SAMSN1: variants seen among roughly 807,000 people sequenced by gnomAD.
SAMSN1 encodes the protein SAM domain-containing protein SAMSN-1.
A neutral mutation model predicts 42.0 loss-of-function variants in SAMSN1; 31 were observed. That is an observed-to-expected ratio of 0.74 (90% CI 0.55 to 1.00). The LOEUF is 1.00. Among genes scored for constraint, SAMSN1 ranks in the 50% least tolerant of loss-of-function variants. SAMSN1 has a pLI of 0.00. For synonymous variants in SAMSN1, 178 were observed against 151.9 expected (o/e 1.17, Z -1.26); for missense variants, 464 against 439.4 (o/e 1.06, Z -0.50).
intron 5 of SAMSN1, among the ~76,000 whole-genome samples, chr21:14,604,186 T>C (rs1274385696): frequency 6.6e-6 from 1 of 152,184 alleles, no homozygotes; most frequent in Non-Finnish European, 1.5e-5. Context: ...ATCTATTTGG[T>C]CCTAAGTAGC....
chr21:14,569,279 A>G (rs1981215871), intron 2 of SAMSN1, among the ~76,000 whole-genome samples: 1 of 152,204 alleles, frequency 6.6e-6, no homozygotes, highest in Non-Finnish European at 1.5e-5. Context: ...TGGGCAACAG[A>G]GCAAGACCCT....
At chr21:14,533,246 A>G (rs1428314665) in intron 1 of SAMSN1, among the ~76,000 whole-genome samples, 1 of 152,140 alleles carries the variant, frequency 6.6e-6, no homozygotes, top group East Asian at 1.9e-4. Context: ...TAGCAGTAGC[A>G]TAACTGTAAC....
At chr21:14,573,043 A>G (rs760959290) in intron 2 of SAMSN1, among the ~76,000 whole-genome samples, 14 of 152,192 alleles carry the variant, frequency 9.2e-5, no homozygotes, top group Non-Finnish European at 1.9e-4. Flanking sequence ...AAATAAAGTC[A>G]AGTGCTAAGT....
rs1434763536 is a variant in SAMSN1 at position 14,577,236 on chromosome 21, GTGTATATATATATATATATATATA to G, written c.261+4876_261+4899del. On this transcript the variant is annotated intron_variant, in intron 2 of 8. Coordinates refer to the SAMSN1 transcript ENST00000285670. Reference sequence around the variant, plus strand: ...ATGGTGGGCTAATTTATATATATGTGTGTATATATATATATATATATATATATATATATATATATATATATATAT... The same window carrying G: ...ATGGTGGGCTAATTTATATATATGTGTATATATATATATATATATATATAT... Among the ~76,000 whole-genome samples the G allele has an allele frequency of 1.1e-3, 34 of 30,856 alleles. 2 individuals carry two copies. The highest frequency in any genetic ancestry group is 4.6e-3 in the South Asian group (3 of 652). The allele number at this position is 30,856 out of a possible 152,430, so 20.2% of individuals were successfully genotyped here.
At chr21:14,494,945 G>C (rs1305865496) in intron 7 of SAMSN1, among the ~76,000 whole-genome samples, 1 of 152,020 alleles carries the variant, frequency 6.6e-6, no homozygotes, top group Non-Finnish European at 1.5e-5. Context: ...CAAGATATGT[G>C]CCCATTTTGC....
chr21:14,538,282 A>G (rs1979766332), intron 1 of SAMSN1, among the ~76,000 whole-genome samples: 1 of 152,200 alleles, frequency 6.6e-6, no homozygotes, highest in Non-Finnish European at 1.5e-5. Context: ...TGAAAAGGCA[A>G]ACATTCAACA....
intron 2 of SAMSN1, among the ~76,000 whole-genome samples, chr21:14,558,430 C>T (rs1980834077): frequency 6.6e-6 from 1 of 152,040 alleles, no homozygotes; most frequent in African/African-American, 2.4e-5. Flanking sequence ...GTAATCCAAT[C>T]ACTTTGGGAG....
chr21:14,649,851 T>C (rs577544712), intron 1 of SAMSN1, among the ~76,000 whole-genome samples: 1 of 151,058 alleles, frequency 6.6e-6, no homozygotes, highest in South Asian at 2.1e-4. Context: ...GAAAAAGATA[T>C]TCTATGCCAA....
chr21:14,649,456 A>G (rs1983787628), intron 1 of SAMSN1, among the ~76,000 whole-genome samples: 1 of 152,118 alleles, frequency 6.6e-6, no homozygotes. Flanking sequence ...AAAGTTATGA[A>G]AAAAATAAAT....
intron 2 of SAMSN1, among the ~76,000 whole-genome samples, chr21:14,555,961 T>C (rs1320380288): frequency 6.6e-6 from 1 of 152,202 alleles, no homozygotes; most frequent in Non-Finnish European, 1.5e-5. Context: ...TAATTCATAC[T>C]TTATTCCCCA....
intron 6 of SAMSN1, among the ~76,000 whole-genome samples, chr21:14,599,188 C>G (rs927768973): frequency 2.6e-5 from 4 of 152,102 alleles, no homozygotes; most frequent in African/African-American, 9.7e-5. Context: ...TGTGTCCTCA[C>G]AAAAAATCTC....
intron 3 of SAMSN1, among the ~76,000 whole-genome samples, chr21:14,512,852 T>G (rs1319596678): frequency 1.3e-5 from 2 of 152,198 alleles, no homozygotes; most frequent in African/African-American, 4.8e-5. Context: ...TCAATATTAT[T>G]TAATCAAAAG....
intron 7 of SAMSN1, among the ~76,000 whole-genome samples, chr21:14,491,353 C>G (rs975145812): frequency 1.3e-5 from 2 of 151,966 alleles, no homozygotes; most frequent in Non-Finnish European, 2.9e-5. Flanking sequence ...AGCAATCCTC[C>G]TGCCTCAGCC....
intron 6 of SAMSN1, among the ~76,000 whole-genome samples, chr21:14,596,929 C>G (rs1200456197): frequency 2.0e-5 from 3 of 151,938 alleles, no homozygotes; most frequent in Non-Finnish European, 4.4e-5. Flanking sequence ...TGTTTTAAGC[C>G]CCTAAATTTT....
chr21:14,636,056 C>T (rs1335098464), intron 2 of SAMSN1, among the ~76,000 whole-genome samples: 2 of 152,058 alleles, frequency 1.3e-5, no homozygotes, highest in Admixed American at 6.6e-5. Flanking sequence ...TGAGAACATG[C>T]AGTGTTTTGG....
intron 2 of SAMSN1, among the ~76,000 whole-genome samples, chr21:14,580,769 A>C (rs999364245): frequency 5.3e-5 from 8 of 152,234 alleles, no homozygotes; most frequent in Non-Finnish European, 1.0e-4. Flanking sequence ...CTTTTAAGAG[A>C]CCTCTAAATA....
upstream of SAMSN1, among the ~76,000 whole-genome samples, chr21:14,549,757 G>T (rs577631704): frequency 2.3e-4 from 35 of 152,178 alleles, no homozygotes; most frequent in Middle Eastern, 6.8e-3. Flanking sequence ...TTAAGAAAAG[G>T]AGTCAATCAT....
chr21:14,630,013 T>A (rs931296945), intron 2 of SAMSN1, among the ~76,000 whole-genome samples: 3 of 152,194 alleles, frequency 2.0e-5, no homozygotes, highest in African/African-American at 7.2e-5. Context: ...CCACTTATTA[T>A]CTTCTTTAAT....
intron 2 of SAMSN1, among the ~76,000 whole-genome samples, chr21:14,554,462 A>C (rs958903753): frequency 4.6e-5 from 7 of 152,106 alleles, no homozygotes; most frequent in African/African-American, 1.7e-4. Flanking sequence ...GAAGTTATTA[A>C]TTATCATTTT....
Sources: gnomAD v4.1 joint callset for allele counts (sites outside exome capture counted in the v4.1 genomes callset) on GRCh38, gnomAD v4.1.1 for gene constraint, MANE v1.5 for transcripts, NCBI Gene and HGNC (gene_info 2026-07-23, HGNC 2026-07-21) for gene names.